Variants in ULBP1 observed in about 807,000 individuals in gnomAD.
The protein encoded by ULBP1 is UL16 binding protein 1.
Under a neutral mutation model 25.3 loss-of-function variants are expected in ULBP1, and 28 were observed. The ratio of observed to expected loss-of-function variants is 1.10; its 90% CI spans 0.82 to 1.51. ULBP1 has a LOEUF of 1.51. ULBP1 is among the 40% of genes most tolerant of loss of function. The pLI is 0.00. For missense variants in ULBP1, 348 were observed against 290.9 expected (o/e 1.20, Z -1.43); for synonymous variants, 129 against 103.0 (o/e 1.25, Z -1.53).
rs554613366 is a variant in ULBP1 at position 149,963,968 on chromosome 6, C to T, written c.-82C>T. 9.6e-6 allele frequency: 14 copies of T among 1,450,840 alleles called. No individual in the cohort carries two copies. Among genetic ancestry groups the T allele is most frequent in the Non-Finnish European group, 1.2e-5 (13 of 1,050,022 alleles). 89.9% of individuals were successfully genotyped at this position (1,450,840 alleles called of 1,614,324 possible). A position where few individuals can be genotyped will look rare whatever the true frequency, so the allele number is the denominator to read the frequency against. On this transcript the variant is annotated 5_prime_UTR_variant, in exon 1 of 5. Transcript: ENST00000229708. Reference sequence around the variant, plus strand: ...GTATCCCTGCGCGCGGCGGGCCGGGCTGGGCAGCTTTATAAACAGCCGTGG... The same window carrying T: ...GTATCCCTGCGCGCGGCGGGCCGGGTTGGGCAGCTTTATAAACAGCCGTGG...
At position 149,973,356 on chromosome 6, in the gene ULBP1, G is replaced by A. The variant is rs1779352871; in HGVS notation, c.*2010G>A. ...GGCACCTGGGCTGAAAAACACACCT[G>A]TTGGGTATCATGCTTACTGTCTGGG... is the stretch of plus-strand genomic sequence containing the variant. On this transcript the variant is annotated 3_prime_UTR_variant, in exon 5 of 5. Coordinates refer to ENST00000229708, the MANE Select transcript of ULBP1 (RefSeq NM_025218.4). 2 of 152,190 alleles carry A rather than the reference G, an allele frequency of 1.3e-5. No individual in the cohort carries two copies. The highest frequency in any genetic ancestry group is 4.8e-5 in the African/African-American group (2 of 41,436). The allele number at this position is 152,190 out of a possible 1,614,324, so 9.4% of individuals were successfully genotyped here.
In ULBP1 at chr6:149,966,834, C is replaced by T. The variant is rs374005277; in HGVS notation, c.86-1773C>T. On this transcript the variant is annotated intron_variant, in intron 1 of 4. Coordinates refer to ENST00000229708, the MANE Select transcript of ULBP1 (RefSeq NM_025218.4). The stretch of plus-strand genomic sequence containing the variant: ...ATTTCACTGCTGTGAGTGGCACAGC[C>T]TTGCTTCTGAGCACTAGGGGATCCT... Among the ~76,000 whole-genome samples, 1,098 of 152,246 alleles carry T rather than the reference C, an allele frequency of 7.2e-3. 15 individuals are homozygous for T. The highest frequency in any genetic ancestry group is 0.025 in the African/African-American group (1,033 of 41,544).
chr6:149,964,211 G>A, intron 1 of ULBP1, 77 bp downstream of exon 1: 9 of 1,540,778 alleles, frequency 5.8e-6, no homozygotes, highest in South Asian at 5.7e-5. Flanking sequence ...TTTCAGAGGA[G>A]GGGAGGCTTC....
Position 149,968,794 on chromosome 6 carries a change from T to G in ULBP1, c.273T>G (p.Thr91=). Residue 91 remains threonine, a synonymous_variant, in exon 2 of 5, where the codon ACT becomes ACG. Coordinates refer to ENST00000229708, the MANE Select transcript of ULBP1 (RefSeq NM_025218.4). Reference sequence around the variant, plus strand: ...TCACAAAAACCTGGGAAGAACAAACTGAAACACTAAGAGACGTGGTGGATT... The same window carrying G: ...TCACAAAAACCTGGGAAGAACAAACGGAAACACTAAGAGACGTGGTGGATT... The part of the protein sequence containing the change: ...VNVTKTWEEQ[T]ETLRDVVDFL... 1 of 1,614,236 alleles carries G rather than the reference T, an allele frequency of 6.2e-7. No individual in the cohort carries two copies. The highest frequency in any genetic ancestry group is 8.5e-7 in the Non-Finnish European group (1 of 1,180,054).
rs544825954 is a variant in ULBP1 at position 149,967,040 on chromosome 6, CA to C, written c.86-1566del. 2.9e-3 allele frequency among the ~76,000 whole-genome samples: 435 copies of C among 152,312 alleles called. 2 individuals are homozygous for C. Among genetic ancestry groups the C allele is most frequent in the African/African-American group, 0.01 (419 of 41,564 alleles). ...CTACAAGAGCAGAGTTAAGTAGTGACAGGGGAGGTCATATGACCAGCACAAC... is the reference window on the plus strand; with the variant it reads ...CTACAAGAGCAGAGTTAAGTAGTGACGGGGAGGTCATATGACCAGCACAAC... On this transcript the variant is annotated intron_variant, in intron 1 of 4. Coordinates refer to ENST00000229708, the MANE Select transcript of ULBP1 (RefSeq NM_025218.4).
At chr6:149,967,489 G>A (rs1440411577) in intron 1 of ULBP1, among the ~76,000 whole-genome samples, 3 of 152,160 alleles carry the variant, frequency 2.0e-5, no homozygotes, top group Non-Finnish European at 2.9e-5. Flanking sequence ...GGGCAAAGGA[G>A]CTCAGTTATT....
chr6:149,966,817 G>T (rs1361920829), intron 1 of ULBP1, among the ~76,000 whole-genome samples: 1 of 152,198 alleles, frequency 6.6e-6, no homozygotes, highest in Non-Finnish European at 1.5e-5. Flanking sequence ...GGATTTCACT[G>T]CTGTGAGTGG....
intron 1 of ULBP1, among the ~76,000 whole-genome samples, chr6:149,964,347 G>A (rs550849281): frequency 6.6e-6 from 1 of 151,398 alleles, no homozygotes; most frequent in South Asian, 2.1e-4. Context: ...CCCGAACATC[G>A]CGATCTCCCC....
Position 149,964,131 on chromosome 6 carries a change from G to A in ULBP1, c.82G>A (p.Val28Ile), listed in dbSNP as rs150208494. ...GTCTGGCTGGTCCCGGGCAGGATGG[G>A]TCGGTGAGTTCGGGGATGTAGCCTA... ...LLSGWSRAGW[V>I]DTHCLCYDFI... is the part of the protein sequence containing the mutation. The change falls in exon 1 of 5, where the codon GTC becomes ATC. Residue 28 changes from valine to isoleucine, a missense_variant. Physicochemically the swap from Val to Ile is conservative, Grantham distance 29. Coordinates refer to ENST00000229708, the MANE Select transcript of ULBP1 (RefSeq NM_025218.4). 6.2e-7 allele frequency: 1 copy of A among 1,614,220 alleles called. No individual in the cohort carries two copies. Among genetic ancestry groups the A allele is most frequent in the East Asian group, 2.2e-5 (1 of 44,888 alleles).
intron 1 of ULBP1, among the ~76,000 whole-genome samples, chr6:149,964,799 T>TCC (rs1779169523): frequency 2.5e-5 from 2 of 81,020 alleles, no homozygotes; most frequent in African/African-American, 5.1e-5. Flanking sequence ...TCGCGATCCC[T>TCC]CCGAACATCG....
intron 3 of ULBP1, among the ~76,000 whole-genome samples, 176 bp downstream of exon 3, chr6:149,969,536 C>T (rs959371197): frequency 6.6e-6 from 1 of 151,984 alleles, no homozygotes; most frequent in Non-Finnish European, 1.5e-5. Context: ...CTCCCTTCTT[C>T]CCCCTGACTC....
intron 1 of ULBP1, among the ~76,000 whole-genome samples, chr6:149,964,918 G>T (rs1157928226): frequency 7.9e-6 from 1 of 127,106 alleles, no homozygotes; most frequent in South Asian, 2.5e-4. Context: ...CCCGTACATT[G>T]CGATCCCCCG....
intron 1 of ULBP1, among the ~76,000 whole-genome samples, chr6:149,964,924 C>G (rs955352877): frequency 8.0e-6 from 1 of 125,432 alleles, no homozygotes; most frequent in Middle Eastern, 6.9e-3. Context: ...CATTGCGATC[C>G]CCCGAAACAT....
intron 1 of ULBP1, 123 bp downstream of exon 1, chr6:149,964,257 G>A (rs1779155299): frequency 9.0e-7 from 1 of 1,115,280 alleles, no homozygotes; most frequent in Non-Finnish European, 1.3e-6. Context: ...AACGAACATC[G>A]CGGTCTCCCC....
Position 149,970,032 on chromosome 6 carries a change from C to T in ULBP1, c.642C>T (p.Ala214=). 3 of 1,612,916 alleles carry T rather than the reference C, an allele frequency of 1.9e-6. No individual in the cohort carries two copies. The highest frequency in any genetic ancestry group is 2.5e-6 in the Non-Finnish European group (3 of 1,179,530). Residue 214 remains alanine (A), a synonymous_variant, in exon 4 of 5, where the codon GCC becomes GCT. Transcript: ENST00000229708. ...MLDPTKPPSL[A]PGTTQPKAMA... is the part of the protein sequence containing the mutation. ...CCATTTCAGAACCACCCTCTCTGGCCCCAGGCACAACCCAACCCAAGGCCA... is the reference window on the plus strand; with the variant it reads ...CCATTTCAGAACCACCCTCTCTGGCTCCAGGCACAACCCAACCCAAGGCCA...
In ULBP1 at chr6:149,966,457, C is replaced by T. The variant is rs934807112; in HGVS notation, c.86-2150C>T. On this transcript the variant is annotated intron_variant, in intron 1 of 4. Transcript: ENST00000229708. ...AGGTCCTATGGTTCTGGGCCTACTGCGCCCCTCCTTTGCTGCTGGGTGGCA... is the reference window on the plus strand; with the variant it reads ...AGGTCCTATGGTTCTGGGCCTACTGTGCCCCTCCTTTGCTGCTGGGTGGCA... 1.4e-4 allele frequency among the ~76,000 whole-genome samples: 22 copies of T among 152,134 alleles called. 1 individual carries two copies. Among genetic ancestry groups the T allele is most frequent in the African/African-American group, 2.7e-4 (11 of 41,404 alleles).
chr6:149,966,813 C>T, intron 1 of ULBP1, among the ~76,000 whole-genome samples: 1 of 152,158 alleles, frequency 6.6e-6, no homozygotes, highest in East Asian at 1.9e-4. Context: ...GAGGGGATTT[C>T]ACTGCTGTGA....
intron 1 of ULBP1, among the ~76,000 whole-genome samples, chr6:149,966,009 G>A (rs1779198878): frequency 6.6e-6 from 1 of 152,074 alleles, no homozygotes; most frequent in Admixed American, 6.5e-5. Flanking sequence ...CGATGACCCT[G>A]GGAGCGCCGG....
chr6:149,964,695 G>T (rs9688941), intron 1 of ULBP1, among the ~76,000 whole-genome samples: 54 of 145,824 alleles, frequency 3.7e-4, no homozygotes, highest in Middle Eastern at 3.8e-3. Context: ...CTTTCCGCCG[G>T]GTCTGATTCC....
Sources: allele counts gnomAD v4.1 joint callset (sites outside exome capture counted in the v4.1 genomes callset), GRCh38; gene constraint gnomAD v4.1.1; transcripts MANE v1.5; gene names NCBI Gene and HGNC (gene_info 2026-07-23, HGNC 2026-07-21).